Variants in CLIC5 observed in about 807,000 individuals in gnomAD.
CLIC5 encodes CLIC family member 5.
In CLIC5, 20 loss-of-function variants were observed where a neutral mutation model predicts 24.7. The ratio of observed to expected loss-of-function variants is 0.81; its 90% CI spans 0.57 to 1.18. The LOEUF (loss-of-function observed/expected upper bound fraction) is 1.18, where lower values mean the gene tolerates loss of function less well. Among genes scored for constraint, CLIC5 ranks in the 50% most tolerant of loss-of-function variants. The pLI is 0.00. For missense variants in CLIC5, 341 were observed against 326.1 expected, an observed-to-expected ratio of 1.05 and a Z score of -0.35; for synonymous variants, 159 against 135.6, an observed-to-expected ratio of 1.17 and a Z score of -1.20.
chr6:46,112,732 T>C, the CLIC5 span, among the ~76,000 whole-genome samples: 1 of 152,096 alleles, frequency 6.6e-6, no homozygotes, highest in African/African-American at 2.4e-5. Context: ...GAGGCATAAA[T>C]GAGCTTATCA....
At chr6:46,120,311 C>G in the CLIC5 span, among the ~76,000 whole-genome samples, 3 of 152,214 alleles carry the variant, frequency 2.0e-5, no homozygotes, top group Non-Finnish European at 4.4e-5. Flanking sequence ...TGCTGATACC[C>G]AGGCAAACAG....
chr6:45,993,721 C>A (rs956486355), intron 1 of CLIC5, among the ~76,000 whole-genome samples: 11 of 152,246 alleles, frequency 7.2e-5, no homozygotes, highest in African/African-American at 2.4e-4. Context: ...AAACTGTAAA[C>A]TAAGGAGAAG....
intron 1 of CLIC5, among the ~76,000 whole-genome samples, chr6:46,041,420 C>T (rs1462901049): frequency 6.6e-6 from 1 of 152,174 alleles, no homozygotes; most frequent in Non-Finnish European, 1.5e-5. Flanking sequence ...GTCCAAATAA[C>T]TGGCTCCTAA....
chr6:46,015,204 G>T (rs867418568), intron 1 of CLIC5, among the ~76,000 whole-genome samples: 20 of 152,220 alleles, frequency 1.3e-4, no homozygotes, highest in Non-Finnish European at 1.8e-4. Context: ...CTGGGCTCTG[G>T]ACTCGGACTC....
the CLIC5 span, among the ~76,000 whole-genome samples, chr6:46,086,450 A>T: frequency 8.5e-5 from 13 of 152,196 alleles, no homozygotes; most frequent in Non-Finnish European, 1.6e-4. Flanking sequence ...GAGGGAAGTT[A>T]AGTTGTGAAG....
chr6:46,093,116 C>T, the CLIC5 span, among the ~76,000 whole-genome samples: 1 of 152,086 alleles, frequency 6.6e-6, no homozygotes. Context: ...TAAGAGATGC[C>T]TTCCCCATGA....
chr6:45,914,700 C>T (rs552401975), intron 4 of CLIC5, among the ~76,000 whole-genome samples: 36 of 151,836 alleles, frequency 2.4e-4, no homozygotes, highest in Admixed American at 7.2e-4. Context: ...CACCTGTAAC[C>T]CCAGCACTTT....
chr6:45,900,040 A>G lies in CLIC5; in HGVS notation c.*3048T>C, dbSNP rs992665111. The G allele has an allele frequency of 6.6e-6, 1 of 152,174 alleles. No homozygotes were observed. Among genetic ancestry groups the G allele is most frequent in the African/African-American group, 2.4e-5 (1 of 41,444 alleles). The allele number at this position is 152,174 out of a possible 1,614,324, so 9.4% of individuals were successfully genotyped here. ...GATGAAGAAACTGTGCTTTGGATCC[A>G]TCATGATTTTACTTATCCAGCTTAC... On this transcript the variant is annotated 3_prime_UTR_variant, in exon 6 of 6. Transcript: ENST00000339561.
intron 1 of CLIC5, among the ~76,000 whole-genome samples, chr6:46,063,134 T>C (rs915688650): frequency 6.6e-6 from 1 of 152,244 alleles, no homozygotes; most frequent in Admixed American, 6.5e-5. Context: ...TATGTTGCTA[T>C]AGCTGTCATC....
the CLIC5 span, among the ~76,000 whole-genome samples, chr6:46,113,042 C>T: frequency 7.2e-5 from 11 of 151,906 alleles, no homozygotes; most frequent in South Asian, 2.1e-4. Flanking sequence ...GGTGACAGAG[C>T]GAGAATCTGT....
intron 1 of CLIC5, among the ~76,000 whole-genome samples, chr6:45,969,091 C>T (rs545329214): frequency 6.6e-6 from 1 of 152,296 alleles, no homozygotes; most frequent in East Asian, 1.9e-4. Context: ...CCTAAAAATT[C>T]CAATGGCTGA....
chr6:45,950,621 G>C (rs992064147), intron 2 of CLIC5, among the ~76,000 whole-genome samples: 22 of 152,258 alleles, frequency 1.4e-4, no homozygotes, highest in Admixed American at 3.3e-4. Context: ...AAAAATGAGT[G>C]ATTTTAGCTG....
At chr6:45,989,625 G>T (rs571709549) in intron 1 of CLIC5, among the ~76,000 whole-genome samples, 1 of 152,322 alleles carries the variant, frequency 6.6e-6, no homozygotes, top group South Asian at 2.1e-4. Context: ...GGCCCACCTT[G>T]CTCTTTATAG....
chr6:46,032,981 A>ATTTTTTTTTTTTTTTTTTTTTTTTTTT (rs35845581), intron 1 of CLIC5, among the ~76,000 whole-genome samples: 1 of 79,008 alleles, frequency 1.3e-5, no homozygotes. Flanking sequence ...GGAAATCTAC[A>ATTTTTTTTTTTTTTTTTTTTTTTTTTT]TTTTTTTTTT....
At chr6:46,049,987 GT>G (rs1768059292) in intron 1 of CLIC5, among the ~76,000 whole-genome samples, 1 of 152,164 alleles carries the variant, frequency 6.6e-6, no homozygotes, top group African/African-American at 2.4e-5. Flanking sequence ...TTTGTGTGGA[GT>G]ATCTCAAGGA....
chr6:46,032,629 T>C (rs933587837), intron 1 of CLIC5, among the ~76,000 whole-genome samples: 4 of 152,192 alleles, frequency 2.6e-5, no homozygotes, highest in Admixed American at 6.5e-5. Context: ...TCAACCACGT[T>C]TATCTTTGGG....
At chr6:45,966,879 G>A (rs984100233) in intron 1 of CLIC5, among the ~76,000 whole-genome samples, 10 of 152,186 alleles carry the variant, frequency 6.6e-5, no homozygotes, top group South Asian at 4.2e-4. Context: ...AGAACTTCAC[G>A]TGCCAACTGA....
chr6:46,033,865 A>G lies in CLIC5; in HGVS notation c.540+45838T>C, dbSNP rs535902199. ...TTAAAAATCAACATTTGACTCTTAAATGACATCTAGAGACTGGTTTTAAGA... is the reference window on the plus strand; with the variant it reads ...TTAAAAATCAACATTTGACTCTTAAGTGACATCTAGAGACTGGTTTTAAGA... On this transcript the variant is annotated intron_variant, in intron 1 of 5. Coordinates refer to the CLIC5 transcript ENST00000185206. Among the ~76,000 whole-genome samples the G allele has an allele frequency of 2.0e-5, 3 of 152,320 alleles. No homozygotes were observed. The South Asian group carries it at 6.2e-4, about 32-fold the overall frequency.
intron 1 of CLIC5, among the ~76,000 whole-genome samples, chr6:46,076,744 A>T (rs1167394155): frequency 2.0e-5 from 3 of 152,206 alleles, no homozygotes; most frequent in Non-Finnish European, 2.9e-5. Context: ...AGAAATTAAT[A>T]CACCCATATC....
Sources: gnomAD v4.1 joint callset for allele counts (sites outside exome capture counted in the v4.1 genomes callset) on GRCh38, gnomAD v4.1.1 for gene constraint, MANE v1.5 for transcripts, NCBI Gene and HGNC (gene_info 2026-07-23, HGNC 2026-07-21) for gene names.